Variants in ACSS3 observed in about 807,000 individuals in gnomAD.
ACSS3 encodes acyl-CoA synthetase short chain family member 3, also known as acyl-CoA synthetase short-chain family member 3, mitochondrial.
In ACSS3, 64 loss-of-function variants were observed where a neutral mutation model predicts 84.2. That is an observed-to-expected ratio of 0.76 (90% CI 0.62 to 0.94). The LOEUF is 0.94. Ranked by LOEUF, ACSS3 falls within the 40% of genes least tolerant of loss-of-function variation. The pLI, the probability that ACSS3 is intolerant of heterozygous loss-of-function variation, is 0.00. For synonymous variants in ACSS3, 317 were observed against 310.1 expected (o/e 1.02, Z -0.23); for missense variants, 815 against 867.6 (o/e 0.94, Z 0.76).
intron 1 of ACSS3, 125 bp downstream of exon 1, chr12:81,078,556 G>C: frequency 9.6e-7 from 1 of 1,041,820 alleles, no homozygotes; most frequent in Non-Finnish European, 1.4e-6. Context: ...GATGTGTTCA[G>C]ACCCCTCAAT....
Position 81,255,179 on chromosome 12 carries a change from G to GT in ACSS3, c.*258dup, listed in dbSNP as rs2034261612. ...TGTCATCTACTGCTTTAGGAAAAAC[G>GT]TATCTAGTGTATTATTTTTAAAATT... On this transcript the variant is annotated 3_prime_UTR_variant, in exon 16 of 16. Coordinates refer to ENST00000548058, the MANE Select transcript of ACSS3 (RefSeq NM_024560.4). 3.6e-6 allele frequency: 1 copy of GT among 280,556 alleles called. No homozygotes were observed. The highest frequency in any genetic ancestry group is 5.2e-5 in the Admixed American group (1 of 19,166). 17.4% of individuals were successfully genotyped at this position (280,556 alleles called of 1,614,324 possible).
Position 81,177,370 on chromosome 12 carries a change from T to C in ACSS3, c.1250+2431T>C, listed in dbSNP as rs369979328. Among the ~76,000 whole-genome samples the C allele has an allele frequency of 7.6e-4, 116 of 152,276 alleles. 1 individual carries two copies. The highest frequency in any genetic ancestry group is 2.7e-3 in the African/African-American group (112 of 41,560). ...CCAGAAGGAAAAGAGGAAGTCAAACTATCTCTCTTTGCAGATAATATGATT... is the reference window on the plus strand; with the variant it reads ...CCAGAAGGAAAAGAGGAAGTCAAACCATCTCTCTTTGCAGATAATATGATT... On this transcript the variant is annotated intron_variant, in intron 8 of 15. Coordinates refer to ENST00000548058, the MANE Select transcript of ACSS3 (RefSeq NM_024560.4).
At chr12:81,175,388 A>G (rs984707619) in intron 8 of ACSS3, among the ~76,000 whole-genome samples, 1 of 152,178 alleles carries the variant, frequency 6.6e-6, no homozygotes, top group African/African-American at 2.4e-5. Context: ...GTGAAGAACA[A>G]AGAGACTTAG....
intron 8 of ACSS3, among the ~76,000 whole-genome samples, chr12:81,181,364 G>T (rs1376182345): frequency 6.6e-6 from 1 of 152,144 alleles, no homozygotes; most frequent in Admixed American, 6.5e-5. Flanking sequence ...CCCAACCGAT[G>T]CCCTCCAGCC....
chr12:81,151,578 G>A (rs1200132855), intron 5 of ACSS3: 2 of 304,128 alleles, frequency 6.6e-6, no homozygotes, highest in Non-Finnish European at 1.2e-5. Context: ...ATGTAATTTT[G>A]TGAAATCATG....
At chr12:81,090,642 T>C (rs1284366000) in intron 1 of ACSS3, among the ~76,000 whole-genome samples, 1 of 152,042 alleles carries the variant, frequency 6.6e-6, no homozygotes, top group Admixed American at 6.6e-5. Flanking sequence ...CCAAAGAGTT[T>C]GAAGTTTTGT....
chr12:81,131,909 G>GT (rs1470556539), intron 2 of ACSS3, among the ~76,000 whole-genome samples: 1 of 152,126 alleles, frequency 6.6e-6, no homozygotes, highest in African/African-American at 2.4e-5. Flanking sequence ...CTTTGGTTCT[G>GT]TTTATGTGAT....
chr12:81,153,818 C>G (rs999859158), intron 7 of ACSS3, among the ~76,000 whole-genome samples: 4 of 152,220 alleles, frequency 2.6e-5, no homozygotes, highest in African/African-American at 9.6e-5. Flanking sequence ...CAGGCCTCAT[C>G]ATCACTTAAA....
Position 81,078,264 on chromosome 12 carries a change from C to T in ACSS3, c.144C>T (p.Gly48=). 1 of 1,609,972 alleles carries T rather than the reference C, an allele frequency of 6.2e-7. No homozygotes were observed. Among genetic ancestry groups the T allele is most frequent in the South Asian group, 1.1e-5 (1 of 90,984 alleles). Reference sequence around the variant, plus strand: ...CGGGCCCGCGGGGCGGTCTCGGGGGCCGGGGATGCAGGGCACTGTCCTCCG... The same window carrying T: ...CGGGCCCGCGGGGCGGTCTCGGGGGTCGGGGATGCAGGGCACTGTCCTCCG... ...VVPGPRGGLG[G]RGCRALSSGS... Residue 48 remains glycine, a synonymous_variant, in exon 1 of 16, where the codon GGC becomes GGT. Transcript: ENST00000548058.
intron 2 of ACSS3, among the ~76,000 whole-genome samples, chr12:81,132,758 G>A (rs1885586807): frequency 6.6e-6 from 1 of 151,920 alleles, no homozygotes; most frequent in African/African-American, 2.4e-5. Context: ...TGGTAGTGTG[G>A]GCCTTGGTTG....
At chr12:81,238,067 TG>T (rs1166293947) in intron 13 of ACSS3, among the ~76,000 whole-genome samples, 1 of 151,744 alleles carries the variant, frequency 6.6e-6, no homozygotes, top group African/African-American at 2.4e-5. Flanking sequence ...TTATCATGAA[TG>T]GGTATTGGAT....
At chr12:81,220,131 T>C in intron 11 of ACSS3, 55 bp downstream of exon 11, 1 of 1,131,094 alleles carries the variant, frequency 8.8e-7, no homozygotes, top group Non-Finnish European at 1.2e-6. Context: ...GTGTATATAC[T>C]AAGAAAAAAT....
intron 13 of ACSS3, among the ~76,000 whole-genome samples, chr12:81,244,389 G>A (rs981875372): frequency 2.0e-5 from 3 of 151,476 alleles, no homozygotes; most frequent in Non-Finnish European, 4.4e-5. Context: ...TGCAATTCCT[G>A]GATCTATGAT....
chr12:81,238,863 C>T (rs1275520028), intron 13 of ACSS3, among the ~76,000 whole-genome samples: 2 of 150,946 alleles, frequency 1.3e-5, no homozygotes, highest in Admixed American at 6.6e-5. Context: ...TTTATTTCTC[C>T]TCTAATTTTT....
chr12:81,207,506 AAG>A (rs2032398080), intron 9 of ACSS3, among the ~76,000 whole-genome samples: 1 of 152,158 alleles, frequency 6.6e-6, no homozygotes, highest in Non-Finnish European at 1.5e-5. Flanking sequence ...GCTTTAAGTG[AAG>A]TGAAATATGT....
intron 11 of ACSS3, among the ~76,000 whole-genome samples, chr12:81,220,591 CT>C (rs1314373834): frequency 6.6e-6 from 1 of 151,968 alleles, no homozygotes; most frequent in East Asian, 1.9e-4. Context: ...CCTTGCCTCC[CT>C]CCCTCACACC....
At chr12:81,094,778 A>C (rs1881919262) in intron 1 of ACSS3, 1 of 152,202 alleles carries the variant, frequency 6.6e-6, no homozygotes, top group South Asian at 2.1e-4. Context: ...TGTAATATGA[A>C]AAAATGAAAA....
chr12:81,259,323 G>T lies in ACSS3; in HGVS notation c.*4401G>T. 2.1e-6 allele frequency: 1 copy of T among 470,912 alleles called. No individual in the cohort carries two copies. Among genetic ancestry groups the T allele is most frequent in the Non-Finnish European group, 3.9e-6 (1 of 254,664 alleles). 29.2% of individuals were successfully genotyped at this position (470,912 alleles called of 1,614,324 possible). ...ATCATATTTATATCCATTTACATAA[G>T]ACTTACACATTTAAAAAGAAATGCA... On this transcript the variant is annotated 3_prime_UTR_variant, in exon 16 of 16. Transcript: ENST00000548058.
Position 81,233,456 on chromosome 12 carries a change from A to C in ACSS3, c.1704A>C (p.Ala568=), listed in dbSNP as rs769584746. 2 of 1,610,920 alleles carry C rather than the reference A, an allele frequency of 1.2e-6. No individual in the cohort carries two copies. Among genetic ancestry groups the C allele is most frequent in the Admixed American group, 3.3e-5 (2 of 59,772 alleles). ...ATGTTGCAGGTCACAGAATTTCTGC[A>C]GGCGCCATTGAAGAGGTATTGATGA... is the stretch of plus-strand genomic sequence containing the variant. ...VINVAGHRIS[A]GAIEESILSH... The change falls in exon 13 of 16, where the codon GCA becomes GCC. Residue 568 remains alanine, a synonymous_variant. Transcript: ENST00000548058.
Sources: allele counts gnomAD v4.1 joint callset (sites outside exome capture counted in the v4.1 genomes callset), GRCh38; gene constraint gnomAD v4.1.1; transcripts MANE v1.5; gene names NCBI Gene and HGNC (gene_info 2026-07-23, HGNC 2026-07-21).